SDK1: variants seen among roughly 807,000 people sequenced by gnomAD.
SDK1 encodes the protein sidekick cell adhesion molecule 1.
In SDK1, 157 loss-of-function variants were observed where a neutral mutation model predicts 245.5. The observed-to-expected ratio is 0.64, with a 90% confidence interval of 0.56 to 0.73. The LOEUF (loss-of-function observed/expected upper bound fraction) is 0.73. SDK1 is among the 30% of genes least tolerant of loss of function. SDK1 has a pLI of 0.00. For synonymous variants in SDK1, 1,647 were observed against 1,278.5 expected (o/e 1.29, Z -6.15); for missense variants, 3,583 against 3,002.3 (o/e 1.19, Z -4.52).
chr7:3,962,158 T>C (rs773891910), intron 8 of SDK1, among the ~76,000 whole-genome samples: 1 of 152,180 alleles, frequency 6.6e-6, no homozygotes, highest in Non-Finnish European at 1.5e-5. Flanking sequence ...ATCACTAACC[T>C]GCATGTGAGG....
chr7:3,438,943 C>T (rs957351511), intron 1 of SDK1, among the ~76,000 whole-genome samples: 1 of 150,330 alleles, frequency 6.7e-6, no homozygotes, highest in African/African-American at 2.5e-5. Context: ...ACCTCTGCCT[C>T]CTGGGTTGAA....
At chr7:3,329,734 C>G (rs1013202793) in intron 1 of SDK1, among the ~76,000 whole-genome samples, 1 of 152,154 alleles carries the variant, frequency 6.6e-6, no homozygotes, top group Non-Finnish European at 1.5e-5. Context: ...CATTCTACAT[C>G]TGGTGTTCAA....
intron 1 of SDK1, among the ~76,000 whole-genome samples, chr7:3,318,246 G>C (rs1779712091): frequency 6.6e-6 from 1 of 152,146 alleles, no homozygotes; most frequent in African/African-American, 2.4e-5. Context: ...AAGCTTTAAA[G>C]CCGTCTGCTG....
At chr7:4,050,005 T>G (rs1789323856) in intron 18 of SDK1, among the ~76,000 whole-genome samples, 1 of 152,204 alleles carries the variant, frequency 6.6e-6, no homozygotes, top group Non-Finnish European at 1.5e-5. Flanking sequence ...TACCAGAGTG[T>G]GTTAACTTCA....
At chr7:3,455,718 T>G (rs985266480) in intron 1 of SDK1, among the ~76,000 whole-genome samples, 2 of 152,204 alleles carry the variant, frequency 1.3e-5, no homozygotes, top group African/African-American at 4.8e-5. Flanking sequence ...AGAGTGATTC[T>G]TCTCACTTTA....
At chr7:3,434,592 A>G (rs1002501860) in intron 1 of SDK1, among the ~76,000 whole-genome samples, 7 of 152,186 alleles carry the variant, frequency 4.6e-5, no homozygotes, top group Non-Finnish European at 8.8e-5. Flanking sequence ...CTCAGGCTCA[A>G]AGATGTTAAG....
intron 5 of SDK1, among the ~76,000 whole-genome samples, chr7:3,932,308 G>T (rs552041523): frequency 6.6e-6 from 1 of 152,246 alleles, no homozygotes; most frequent in African/African-American, 2.4e-5. Flanking sequence ...GCCTCCGCCT[G>T]GTGCTCCCTC....
At chr7:3,995,987 T>G (rs1055244083) in intron 14 of SDK1, among the ~76,000 whole-genome samples, 2 of 152,200 alleles carry the variant, frequency 1.3e-5, no homozygotes, top group African/African-American at 4.8e-5. Flanking sequence ...ATTTCAACAC[T>G]CTCAAGCCTA....
At chr7:3,596,544 G>A (rs56329315) in intron 1 of SDK1, among the ~76,000 whole-genome samples, 21,908 of 152,032 alleles carry the variant, frequency 0.14, 2,630 homozygotes, top group East Asian at 0.34. Context: ...TGGACTTTGT[G>A]ACCACCTCCT....
chr7:4,107,226 C>T (rs372209032), intron 22 of SDK1, among the ~76,000 whole-genome samples: 237 of 151,732 alleles, frequency 1.6e-3, no homozygotes, highest in African/African-American at 5.1e-3. Flanking sequence ...AATGAGCGTC[C>T]GCAGTGCAGC....
At chr7:3,763,761 G>T (rs1467476051) in intron 4 of SDK1, among the ~76,000 whole-genome samples, 1 of 152,100 alleles carries the variant, frequency 6.6e-6, no homozygotes, top group Non-Finnish European at 1.5e-5. Flanking sequence ...TATCTAGGTG[G>T]TGTTTTCATG....
chr7:4,166,924 AGCTGGAAGGAGAGAGGCTTTCCCT>A (rs1396813848), intron 32 of SDK1, among the ~76,000 whole-genome samples: 1 of 152,176 alleles, frequency 6.6e-6, no homozygotes, highest in Non-Finnish European at 1.5e-5. Flanking sequence ...CCGTTCAGGC[AGCTGGAAGGAGAGAGGCTTTCCCT>A]GCAGGTCCTG....
At position 4,185,734 on chromosome 7, in the gene SDK1, G is replaced by C. The variant is rs139386439; in HGVS notation, c.5098+7148G>C. ...AGGTCTTTTTCTCTCTGAGTTCCAT[G>C]AGGGCAGGGACCCCTCTTATCCCCA... On this transcript the variant is annotated intron_variant, in intron 35 of 44. Transcript: ENST00000404826. Among the ~76,000 whole-genome samples, 107 of 152,244 alleles carry C rather than the reference G, an allele frequency of 7.0e-4. 1 individual carries two copies. The highest frequency in any genetic ancestry group is 2.3e-3 in the African/African-American group (96 of 41,536).
Position 4,114,115 on chromosome 7 carries a change from T to G in SDK1, c.3664T>G (p.Ser1222Ala), listed in dbSNP as rs780042156. The G allele has an allele frequency of 1.5e-5, 25 of 1,614,224 alleles. No homozygotes were observed. The highest frequency in any genetic ancestry group is 1.5e-5 in the Non-Finnish European group (18 of 1,180,030). Residue 1222 changes from serine (S) to alanine (A), a missense_variant, in exon 25 of 45, where the codon TCC (serine) becomes GCC (alanine). Ser to Ala is a moderately conservative substitution (Grantham distance 99). Transcript: ENST00000404826. ...TAAGTACTGGCGCTCAGACCTCCAG[T>G]CCTCAGCAGTGGCCCAAGTCGTCAG... is the stretch of plus-strand genomic sequence containing the variant. ...RIKYWRSDLQSSAVAQVVSDR... is the reference protein window; with the variant it reads ...RIKYWRSDLQASAVAQVVSDR...
chr7:4,180,404 G>A (rs141981645), intron 35 of SDK1, among the ~76,000 whole-genome samples: 44,436 of 114,872 alleles, frequency 0.39, 8,656 homozygotes, highest in African/African-American at 0.55. Flanking sequence ...CCCAGCGCCT[G>A]GCTCCAGCTC....
At chr7:3,967,489 G>C in intron 10 of SDK1, 55 bp downstream of exon 10, 1 of 1,057,742 alleles carries the variant, frequency 9.5e-7, no homozygotes, top group Non-Finnish European at 1.5e-6. Flanking sequence ...ATAACCTATC[G>C]GGCCAGTGCT....
intron 1 of SDK1, among the ~76,000 whole-genome samples, chr7:3,317,485 C>G (rs1292595381): frequency 2.6e-5 from 4 of 152,142 alleles, no homozygotes; most frequent in Admixed American, 2.6e-4. Context: ...CATCTTCGCT[C>G]CTCATTTCTG....
intron 4 of SDK1, among the ~76,000 whole-genome samples, chr7:3,808,561 T>C (rs774261632): frequency 6.6e-6 from 1 of 152,148 alleles, no homozygotes; most frequent in Admixed American, 6.5e-5. Flanking sequence ...AAGAGACATG[T>C]GTGTCACAGT....
intron 14 of SDK1, among the ~76,000 whole-genome samples, chr7:4,007,121 C>A (rs1785541648): frequency 6.6e-6 from 1 of 152,232 alleles, no homozygotes; most frequent in Non-Finnish European, 1.5e-5. Flanking sequence ...AAGAGCTTTA[C>A]TGAGTCCAGT....
Sources: allele counts gnomAD v4.1 joint callset (sites outside exome capture counted in the v4.1 genomes callset), GRCh38; gene constraint gnomAD v4.1.1; transcripts MANE v1.5; gene names NCBI Gene and HGNC (gene_info 2026-07-23, HGNC 2026-07-21).